The following GFOD2 variants were observed in gnomAD, a reference collection of about 807,000 sequenced individuals.
The protein encoded by GFOD2 is Gfo/Idh/MocA-like oxidoreductase domain containing 2.
GFOD2 carries 9 observed loss-of-function variants against 24.6 expected under a neutral mutation model. That is an observed-to-expected ratio of 0.37 (90% CI 0.22 to 0.64). The LOEUF (loss-of-function observed/expected upper bound fraction) is 0.64. GFOD2 is among the 30% of genes least tolerant of loss of function. The pLI is 0.65. For synonymous variants in GFOD2, 211 were observed against 224.8 expected, an observed-to-expected ratio of 0.94 and a Z score of 0.55; for missense variants, 476 against 532.5, an observed-to-expected ratio of 0.89 and a Z score of 1.04.
chr16:67,675,353 C>G lies in GFOD2; in HGVS notation c.960G>C (p.Gly320=). 3 of 1,613,198 alleles carry G rather than the reference C, an allele frequency of 1.9e-6. No individual in the cohort carries two copies. Among genetic ancestry groups the G allele is most frequent in the Non-Finnish European group, 2.5e-6 (3 of 1,179,970 alleles). The change falls in exon 3 of 3, where the codon GGG becomes GGC. Residue 320 remains glycine, a synonymous_variant. Transcript: ENST00000268797. ...GGTCCCAGGTGCGGCGGTCGCCCTG[C>G]CCCTGGAAGGACTGGCGCAAGGCCT... The part of the protein sequence containing the change: ...MVQALRQSFQ[G]QGDRRTWDRT...
chr16:67,705,141 T>C (rs905208160), intron 1 of GFOD2, among the ~76,000 whole-genome samples: 2 of 152,232 alleles, frequency 1.3e-5, no homozygotes, highest in African/African-American at 2.4e-5. Flanking sequence ...TTCCCTGCCA[T>C]GGTATCCATT....
chr16:67,676,222 T>C (rs1440196531), intron 2 of GFOD2, 169 bp from the exon 3 acceptor site: 1 of 655,200 alleles, frequency 1.5e-6, no homozygotes, highest in East Asian at 2.8e-5. Context: ...AGTCTCAATC[T>C]CCTGGCCTCA....
intron 1 of GFOD2, among the ~76,000 whole-genome samples, chr16:67,690,453 G>A (rs867358481): frequency 6.6e-6 from 1 of 150,724 alleles, no homozygotes; most frequent in African/African-American, 2.4e-5. Context: ...CTGGAGTGGA[G>A]TGGCACTGGT....
chr16:67,683,567 A>G, intron 2 of GFOD2: 10 of 1,231,792 alleles, frequency 8.1e-6, no homozygotes, highest in Non-Finnish European at 1.0e-5. Context: ...AATGTCACAC[A>G]TCCTCAGAGA....
At chr16:67,712,256 G>GCTCCCTCTCCCT (rs1295250419) in intron 1 of GFOD2, among the ~76,000 whole-genome samples, 7 of 122,876 alleles carry the variant, frequency 5.7e-5, no homozygotes, top group Middle Eastern at 4.4e-3. Flanking sequence ...GTAATAAAGA[G>GCTCCCTCTCCCT]CTCCCTCTCC....
chr16:67,683,352 C>T (rs1420330428), intron 2 of GFOD2: 16 of 1,224,974 alleles, frequency 1.3e-5, no homozygotes, highest in Non-Finnish European at 1.6e-5. Flanking sequence ...TGAGAGCCTC[C>T]AGAGTTCTGG....
At chr16:67,707,976 G>A (rs1727465194) in intron 1 of GFOD2, among the ~76,000 whole-genome samples, 1 of 152,200 alleles carries the variant, frequency 6.6e-6, no homozygotes, top group South Asian at 2.1e-4. Flanking sequence ...ACACTAGTCA[G>A]AAGGCGGCAG....
At position 67,686,115 on chromosome 16, in the gene GFOD2, A is replaced by AT. The variant is rs781575793; in HGVS notation, c.-87-314_-87-313insA. Among the ~76,000 whole-genome samples, 12 of 152,062 alleles carry AT rather than the reference A, an allele frequency of 7.9e-5. No individual in the cohort carries two copies. In the South Asian group the frequency reaches 8.3e-4, roughly 11 times the overall value. ...CGGCGAGATGTCATCTCTATTAAAA[A>AT]ATATATATATTAAAAAATAGCCAGA... On this transcript the variant is annotated intron_variant, in intron 1 of 2. Transcript: ENST00000268797.
chr16:67,679,376 G>A (rs2053206630), intron 2 of GFOD2, among the ~76,000 whole-genome samples: 1 of 151,752 alleles, frequency 6.6e-6, no homozygotes, highest in African/African-American at 2.4e-5. Context: ...TGGGATTACA[G>A]GAGCCTGCCA....
intron 1 of GFOD2, among the ~76,000 whole-genome samples, chr16:67,688,734 CTT>C (rs113977188): frequency 2.1e-4 from 27 of 131,090 alleles, no homozygotes; most frequent in Non-Finnish European, 2.1e-4. Flanking sequence ...ATAAAATTTA[CTT>C]TTTTTTTTTT....
chr16:67,711,490 C>G (rs573429393), intron 1 of GFOD2, among the ~76,000 whole-genome samples: 1 of 152,198 alleles, frequency 6.6e-6, no homozygotes, highest in Non-Finnish European at 1.5e-5. Context: ...TCTATACTCA[C>G]TCCCTTGGTG....
rs563861955 is a variant in GFOD2 at position 67,694,793 on chromosome 16, G to A, written c.-87-8991C>T. ...TGAACCACTAAATTACACATGACTT[G>A]GGCTGCCTCTAACTCCAGATCCCTG... On this transcript the variant is annotated intron_variant, in intron 1 of 2. Coordinates refer to ENST00000268797, the MANE Select transcript of GFOD2 (RefSeq NM_030819.4). 9.9e-5 allele frequency among the ~76,000 whole-genome samples: 15 copies of A among 152,140 alleles called. No homozygotes were observed. The South Asian group carries it at 1.0e-3, about 11-fold the overall frequency.
chr16:67,686,854 G>C (rs1164135316), intron 1 of GFOD2, among the ~76,000 whole-genome samples: 1 of 149,530 alleles, frequency 6.7e-6, no homozygotes, highest in Non-Finnish European at 1.5e-5. Context: ...AAGAAAGAAA[G>C]AAAGACTGGA....
At chr16:67,707,227 G>A (rs946246822) in intron 1 of GFOD2, among the ~76,000 whole-genome samples, 3 of 151,724 alleles carry the variant, frequency 2.0e-5, no homozygotes, top group Non-Finnish European at 2.9e-5. Context: ...GTGTGGTGGT[G>A]CATGCCTGTA....
chr16:67,705,582 T>C (rs1344001571), intron 1 of GFOD2, among the ~76,000 whole-genome samples: 1 of 152,208 alleles, frequency 6.6e-6, no homozygotes, highest in Non-Finnish European at 1.5e-5. Flanking sequence ...AGCAGTGAGC[T>C]AGCTCTTCAG....
chr16:67,694,987 C>CTTTTTTT (rs542893576), intron 1 of GFOD2, among the ~76,000 whole-genome samples: 6 of 121,586 alleles, frequency 4.9e-5, no homozygotes, highest in Admixed American at 9.5e-5. Context: ...CCATCTCTCT[C>CTTTTTTT]TTTTTTTTTT....
chr16:67,716,220 C>T (rs1451824036), intron 1 of GFOD2, among the ~76,000 whole-genome samples: 1 of 152,162 alleles, frequency 6.6e-6, no homozygotes, highest in Non-Finnish European at 1.5e-5. Flanking sequence ...GTGAAAGTAG[C>T]TTCTATTAGC....
intron 1 of GFOD2, among the ~76,000 whole-genome samples, chr16:67,697,059 A>C (rs1333855394): frequency 6.6e-6 from 1 of 152,220 alleles, no homozygotes; most frequent in Non-Finnish European, 1.5e-5. Flanking sequence ...TGCCAAGACC[A>C]CATACATTTC....
At chr16:67,702,886 C>T (rs1311961347) in intron 1 of GFOD2, among the ~76,000 whole-genome samples, 7 of 151,984 alleles carry the variant, frequency 4.6e-5, no homozygotes, top group Non-Finnish European at 7.4e-5. Context: ...GAGTAAGACA[C>T]TGCGCCCGGC....
Sources: gnomAD v4.1 joint callset for allele counts (sites outside exome capture counted in the v4.1 genomes callset) on GRCh38, gnomAD v4.1.1 for gene constraint, MANE v1.5 for transcripts, NCBI Gene and HGNC (gene_info 2026-07-23, HGNC 2026-07-21) for gene names.